The following ABCA8 variants were observed in gnomAD, a reference collection of about 807,000 sequenced individuals.
ABCA8 encodes the protein ATP binding cassette subfamily A member 8, also known as ABC-type organic anion transporter ABCA8.
A neutral mutation model predicts 192.3 loss-of-function variants in ABCA8; 177 were observed. The ratio of observed to expected loss-of-function variants is 0.92; its 90% CI spans 0.81 to 1.04. The LOEUF is 1.04. Among genes scored for constraint, ABCA8 ranks in the 50% least tolerant of loss-of-function variants. ABCA8 has a pLI of 0.00. For synonymous variants in ABCA8, 642 were observed against 690.2 expected (o/e 0.93, Z 1.09); for missense variants, 1,915 against 1,904.8 (o/e 1.01, Z -0.10).
intron 21 of ABCA8, among the ~76,000 whole-genome samples, chr17:68,900,189 T>C (rs1475555224): frequency 6.6e-6 from 1 of 151,846 alleles, no homozygotes; most frequent in Non-Finnish European, 1.5e-5. Context: ...ATCAACAAAA[T>C]TGAGGAACCC....
chr17:68,934,027 G>A (rs1400149775), intron 5 of ABCA8, among the ~76,000 whole-genome samples: 1 of 152,082 alleles, frequency 6.6e-6, no homozygotes, highest in East Asian at 1.9e-4. Flanking sequence ...TTTCTAACTA[G>A]CTAACTGCTT....
intron 18 of ABCA8, among the ~76,000 whole-genome samples, chr17:68,907,319 C>T (rs2067095264): frequency 6.6e-6 from 1 of 151,966 alleles, no homozygotes; most frequent in Non-Finnish European, 1.5e-5. Flanking sequence ...GTTCCCTGAA[C>T]AACAAACATA....
Position 68,884,342 on chromosome 17 carries a change from C to A in ABCA8, c.3604G>T (p.Val1202Leu). Residue 1202 changes from valine (V) to leucine (L), a missense_variant, in exon 28 of 40, where the codon GTA becomes TTA. Val to Leu is a conservative substitution (Grantham distance 32, BLOSUM62 1). Transcript: ENST00000586539. ...CAGTGTGTTCTTACAATTAGGAATACCAGAAATGGCTGTACATCCATTCGT... is the reference window on the plus strand; with the variant it reads ...CAGTGTGTTCTTACAATTAGGAATAACAGAAATGGCTGTACATCCATTCGT... ...EERMDVQPFL[V>L]FLIPFLHFII... 6.3e-7 allele frequency: 1 copy of A among 1,581,426 alleles called. No individual in the cohort carries two copies. The highest frequency in any genetic ancestry group is 8.6e-7 in the Non-Finnish European group (1 of 1,169,400).
chr17:68,921,360 A>T (rs1567862746), intron 13 of ABCA8, 22 bp downstream of exon 13: 2 of 1,554,178 alleles, frequency 1.3e-6, no homozygotes, highest in Non-Finnish European at 1.8e-6. Flanking sequence ...TTTAAAAAAA[A>T]AGAAAACAAA....
At chr17:68,945,574 A>G (rs1176369890) in intron 2 of ABCA8, among the ~76,000 whole-genome samples, 1 of 152,140 alleles carries the variant, frequency 6.6e-6, no homozygotes, top group East Asian at 1.9e-4. Context: ...AATAATCTCA[A>G]GTATTTGTCA....
Position 68,876,473 on chromosome 17 carries a change from G to A in ABCA8, c.4357C>T (p.Gln1453Ter). ...EPSTGMDPEG[Q>*]QQMWQAIRAT... Reference sequence around the variant, plus strand: ...AATGTTCCTCACCACATTTGCTGCTGCCCCTCGGGGTCCATCCCGGTCGAC... The same window carrying A: ...AATGTTCCTCACCACATTTGCTGCTACCCCTCGGGGTCCATCCCGGTCGAC... The change falls in exon 35 of 40, where the codon CAG becomes TAG. Residue 1453 changes from glutamine (Q) to a stop codon, truncating the protein, a stop_gained. Coordinates refer to ENST00000586539, the MANE Select transcript of ABCA8 (RefSeq NM_001288985.2). LOFTEE classifies it high-confidence loss of function. The A allele has an allele frequency of 1.2e-6, 2 of 1,613,978 alleles. No individual in the cohort carries two copies. Among genetic ancestry groups the A allele is most frequent in the Non-Finnish European group, 8.5e-7 (1 of 1,179,898 alleles).
At chr17:68,912,634 TAGAAAG>T (rs1366123670) in intron 17 of ABCA8, among the ~76,000 whole-genome samples, 1 of 151,688 alleles carries the variant, frequency 6.6e-6, no homozygotes, top group Admixed American at 6.6e-5. Context: ...ACAAAAACCA[TAGAAAG>T]AGAAAAAGAA....
intron 2 of ABCA8, among the ~76,000 whole-genome samples, chr17:68,942,998 T>C (rs1400552452): frequency 3.9e-5 from 6 of 152,170 alleles, no homozygotes; most frequent in Admixed American, 3.9e-4. Context: ...CCTGAATAAA[T>C]AATCTGTTTT....
chr17:68,929,098 C>T lies in ABCA8; in HGVS notation c.1076G>A (p.Trp359Ter), dbSNP rs199610172. ...AAAGGGACTAAGCAAGCTTAAAATC[C>T]ACTCCAAGGATGCAGGAAGGTGTCT... The part of the protein sequence containing the change: ...LYRHLPASLE[W>*]ILSLLSPFAF... The change falls in exon 9 of 40, where the codon TGG becomes TAG. Residue 359 changes from tryptophan (W) to a stop codon, truncating the protein, a stop_gained. Transcript: ENST00000586539. LOFTEE classifies it high-confidence loss of function. 8.1e-6 allele frequency: 13 copies of T among 1,599,614 alleles called. No homozygotes were observed. In the Admixed American group the frequency reaches 1.2e-4, roughly 15 times the overall value.
chr17:68,881,074 A>G (rs772880404), intron 32 of ABCA8, 46 bp downstream of exon 32: 5 of 1,327,326 alleles, frequency 3.8e-6, no homozygotes, highest in South Asian at 1.2e-5. Context: ...AATCTTATCA[A>G]TCTATTTCAC....
intron 3 of ABCA8, 67 bp from the exon 4 acceptor site, chr17:68,941,029 T>A: frequency 7.7e-7 from 1 of 1,305,536 alleles, no homozygotes; most frequent in Non-Finnish European, 1.1e-6. Context: ...AATCATTTTG[T>A]CATAAAGTTT....
intron 21 of ABCA8, among the ~76,000 whole-genome samples, chr17:68,896,399 CT>C (rs2066759243): frequency 6.6e-6 from 1 of 152,196 alleles, no homozygotes; most frequent in Non-Finnish European, 1.5e-5. Context: ...GTTTCACTTT[CT>C]GCAGTTTTAG....
Position 68,875,372 on chromosome 17 carries a change from T to C in ABCA8, c.4519A>G (p.Ser1507Gly). 1 of 1,614,134 alleles carries C rather than the reference T, an allele frequency of 6.2e-7. No homozygotes were observed. The highest frequency in any genetic ancestry group is 8.5e-7 in the Non-Finnish European group (1 of 1,180,026). ...RCIGSIQHLK[S>G]KFGKDYLLEM... ...AGCAGGTAATCTTTGCCAAATTTGC[T>C]TTTCAGGTGTTGGATGGAACCGATA... is the stretch of plus-strand genomic sequence containing the variant. Residue 1507 changes from serine to glycine, a missense_variant, in exon 37 of 40, where the codon AGC becomes GGC. Transcript: ENST00000586539.
chr17:68,935,336 C>T (rs899716997), intron 5 of ABCA8, among the ~76,000 whole-genome samples: 2 of 149,346 alleles, frequency 1.3e-5, no homozygotes, highest in African/African-American at 2.5e-5. Context: ...AGGCTGATCT[C>T]GAACTCTTGA....
chr17:68,888,614 C>CTA (rs1000111326), intron 24 of ABCA8, among the ~76,000 whole-genome samples: 1 of 152,064 alleles, frequency 6.6e-6, no homozygotes, highest in African/African-American at 2.4e-5. Context: ...TGTGGTGCTG[C>CTA]TATATATGGA....
intron 2 of ABCA8, among the ~76,000 whole-genome samples, chr17:68,945,108 C>T (rs969631132): frequency 4.6e-5 from 7 of 152,082 alleles, no homozygotes; most frequent in African/African-American, 1.7e-4. Context: ...GTCTCCTTTA[C>T]TGCTTGGGTG....
intron 2 of ABCA8, among the ~76,000 whole-genome samples, chr17:68,946,576 C>T (rs751275590): frequency 2.6e-5 from 4 of 152,098 alleles, no homozygotes; most frequent in African/African-American, 4.8e-5. Context: ...GGCCAAAAGA[C>T]GGATGGAATT....
At chr17:68,891,968 A>G (rs567027078) in intron 23 of ABCA8, among the ~76,000 whole-genome samples, 4 of 152,346 alleles carry the variant, frequency 2.6e-5, no homozygotes, top group African/African-American at 7.2e-5. Flanking sequence ...AACTCAAAAA[A>G]TATCCAACAT....
At chr17:68,894,352 A>C in intron 22 of ABCA8, 42 bp from the exon 23 acceptor site, 20 of 1,532,970 alleles carry the variant, frequency 1.3e-5, no homozygotes, top group Non-Finnish European at 1.8e-5. Context: ...AAATATCTTC[A>C]TTTTGTTCTC....
Sources: allele counts gnomAD v4.1 joint callset (sites outside exome capture counted in the v4.1 genomes callset), GRCh38; gene constraint gnomAD v4.1.1; transcripts MANE v1.5; gene names NCBI Gene and HGNC (gene_info 2026-07-23, HGNC 2026-07-21).